The following AKAP6 variants were observed in gnomAD, a reference collection of about 807,000 sequenced individuals.
AKAP6 encodes the protein A-kinase anchoring protein 6, also known as A-kinase anchor protein 6.
Under a neutral mutation model 188.5 loss-of-function variants are expected in AKAP6, and 58 were observed. The ratio of observed to expected loss-of-function variants is 0.31; its 90% CI spans 0.25 to 0.38. AKAP6 has a LOEUF of 0.38. Among genes scored for constraint, AKAP6 ranks in the 10% least tolerant of loss-of-function variants. The pLI, the probability that AKAP6 is intolerant of heterozygous loss-of-function variation, is 1.00. For synonymous variants in AKAP6, 989 were observed against 998.6 expected, an observed-to-expected ratio of 0.99 and a Z score of 0.18; for missense variants, 2,710 against 2,740.0, an observed-to-expected ratio of 0.99 and a Z score of 0.24.
chr14:32,796,887 G>A (rs1321746108), intron 12 of AKAP6, among the ~76,000 whole-genome samples: 1 of 152,180 alleles, frequency 6.6e-6, no homozygotes, highest in African/African-American at 2.4e-5. Flanking sequence ...GAAAGTTTTT[G>A]CAATCTATCC....
chr14:32,409,195 G>A (rs536287019), intron 1 of AKAP6, among the ~76,000 whole-genome samples: 23 of 152,056 alleles, frequency 1.5e-4, no homozygotes, highest in South Asian at 2.1e-4. Flanking sequence ...GCAAGACTCC[G>A]TCTCAAAAAC....
chr14:32,336,802 C>T (rs1886716808), intron 1 of AKAP6, among the ~76,000 whole-genome samples: 1 of 152,128 alleles, frequency 6.6e-6, no homozygotes, highest in African/African-American at 2.4e-5. Context: ...GTTACTACTC[C>T]ACCTCGTCTC....
rs1322538135 is a variant in AKAP6, at chr14:32,833,848, GA to G, written c.*4049del. On this transcript the variant is annotated 3_prime_UTR_variant, in exon 14 of 14. Coordinates refer to ENST00000280979, the MANE Select transcript of AKAP6 (RefSeq NM_004274.5). ...ATATTCTTTTTTCAATTTTCATTTT[GA>G]AAAAATTCAGACCTATGTAAAAGTT... The G allele has an allele frequency of 6.6e-6, 1 of 151,774 alleles. No homozygotes were observed. The highest frequency in any genetic ancestry group is 1.5e-5 in the Non-Finnish European group (1 of 67,960). The allele number at this position is 151,774 out of a possible 1,614,324, so 9.4% of individuals were successfully genotyped here.
At chr14:32,624,615 G>T (rs1342851275) in intron 7 of AKAP6, among the ~76,000 whole-genome samples, 8 of 152,004 alleles carry the variant, frequency 5.3e-5, no homozygotes, top group African/African-American at 1.9e-4. Flanking sequence ...GACAATTAAG[G>T]CCAGAAAAAT....
At chr14:32,358,698 C>T (rs568376932) in intron 1 of AKAP6, among the ~76,000 whole-genome samples, 1 of 152,058 alleles carries the variant, frequency 6.6e-6, no homozygotes, top group East Asian at 1.9e-4. Flanking sequence ...TACTTTGGAG[C>T]TCGGGTGGTG....
chr14:32,758,597 G>A (rs1228977500), intron 11 of AKAP6, among the ~76,000 whole-genome samples: 1 of 152,086 alleles, frequency 6.6e-6, no homozygotes, highest in African/African-American at 2.4e-5. Context: ...TCCAGGCGTG[G>A]TGGCACATGC....
chr14:32,387,806 T>C (rs1458166180), intron 1 of AKAP6, among the ~76,000 whole-genome samples: 1 of 151,614 alleles, frequency 6.6e-6, no homozygotes, highest in African/African-American at 2.4e-5. Context: ...GTAGTTTTTT[T>C]TTTTTTTTAG....
chr14:32,684,744 T>A (rs1050274901), intron 8 of AKAP6, among the ~76,000 whole-genome samples: 3 of 32,824 alleles, frequency 9.1e-5, no homozygotes. Flanking sequence ...GTACTTCATG[T>A]TTTTTTTTTT....
intron 5 of AKAP6, among the ~76,000 whole-genome samples, chr14:32,597,706 T>C (rs948107812): frequency 1.3e-5 from 2 of 152,204 alleles, no homozygotes; most frequent in Non-Finnish European, 2.9e-5. Flanking sequence ...TTCTGTTATA[T>C]TGGCTGCTGA....
rs755906646 is a variant in AKAP6, at chr14:32,546,096, C to T, written c.1443C>T (p.Ser481=). Reference sequence around the variant, plus strand: ...TTCACATTAAAGAAATTTCTTCCAGCCTGGGAAGGCTTAACGACTGCTATA... The same window carrying T: ...TTCACATTAAAGAAATTTCTTCCAGTCTGGGAAGGCTTAACGACTGCTATA... ...VKFHIKEISS[S]LGRLNDCYKE... Residue 481 remains serine (S), a synonymous_variant, in exon 4 of 14, where the codon AGC becomes AGT. Transcript: ENST00000280979. 4 of 1,614,062 alleles carry T rather than the reference C, an allele frequency of 2.5e-6. No homozygotes were observed. Among genetic ancestry groups the T allele is most frequent in the Non-Finnish European group, 3.4e-6 (4 of 1,180,040 alleles).
At chr14:32,593,011 AACACACACACACACACACACACACAC>A (rs60277036) in intron 5 of AKAP6, among the ~76,000 whole-genome samples, 3 of 123,800 alleles carry the variant, frequency 2.4e-5, no homozygotes, top group Admixed American at 8.1e-5. Context: ...CCCCCACCCC[AACACACACACACACACACACACACAC>A]ACACACACAC....
intron 1 of AKAP6, among the ~76,000 whole-genome samples, chr14:32,334,845 C>T (rs1886639668): frequency 6.6e-6 from 1 of 152,206 alleles, no homozygotes; most frequent in Non-Finnish European, 1.5e-5. Flanking sequence ...ATATTTTTCT[C>T]TGTTCTTCAG....
intron 4 of AKAP6, among the ~76,000 whole-genome samples, chr14:32,570,835 C>T (rs532482802): frequency 6.6e-6 from 1 of 152,308 alleles, no homozygotes; most frequent in Admixed American, 6.5e-5. Flanking sequence ...TCCATGTCCC[C>T]CCAAATTAAT....
chr14:32,622,618 T>C (rs952990437), intron 7 of AKAP6, among the ~76,000 whole-genome samples: 4 of 152,142 alleles, frequency 2.6e-5, no homozygotes, highest in African/African-American at 9.7e-5. Context: ...AGATGAAATA[T>C]ATGAAATTAT....
intron 1 of AKAP6, among the ~76,000 whole-genome samples, chr14:32,407,339 T>C (rs1305300680): frequency 6.6e-6 from 1 of 152,188 alleles, no homozygotes; most frequent in Non-Finnish European, 1.5e-5. Context: ...GTTCAGAGAA[T>C]TAGACAAACC....
Position 32,711,096 on chromosome 14 carries a change from T to C in AKAP6, c.3000+14986T>C, listed in dbSNP as rs199914324. On this transcript the variant is annotated intron_variant, in intron 9 of 13. Transcript: ENST00000280979. ...GGCAACGCTTTAGGAATATCCATTA[T>C]TGTACAGACTTGAATGGTTTCCCAA... is the stretch of plus-strand genomic sequence containing the variant. Among the ~76,000 whole-genome samples the C allele has an allele frequency of 2.0e-5, 3 of 152,070 alleles. No individual in the cohort carries two copies. In the East Asian group the frequency reaches 5.8e-4, roughly 29 times the overall value.
At chr14:32,449,280 A>G (rs1228692004) in intron 2 of AKAP6, among the ~76,000 whole-genome samples, 1 of 152,120 alleles carries the variant, frequency 6.6e-6, no homozygotes, top group Non-Finnish European at 1.5e-5. Flanking sequence ...GGCCGAGGTG[A>G]GTGTATTACT....
intron 2 of AKAP6, among the ~76,000 whole-genome samples, chr14:32,451,650 C>T (rs945884307): frequency 2.0e-4 from 30 of 152,110 alleles, no homozygotes; most frequent in Non-Finnish European, 3.8e-4. Context: ...TTAAACAAAA[C>T]ATTTAATATT....
At chr14:32,504,695 G>T (rs1880777138) in intron 2 of AKAP6, among the ~76,000 whole-genome samples, 1 of 152,116 alleles carries the variant, frequency 6.6e-6, no homozygotes, top group South Asian at 2.1e-4. Context: ...TTGAATAATG[G>T]TAGGCTTACC....
Sources: allele counts gnomAD v4.1 joint callset (sites outside exome capture counted in the v4.1 genomes callset), GRCh38; gene constraint gnomAD v4.1.1; transcripts MANE v1.5; gene names NCBI Gene and HGNC (gene_info 2026-07-23, HGNC 2026-07-21).